The following OPHN1 variants were observed in gnomAD, a reference collection of about 807,000 sequenced individuals.
OPHN1 encodes oligophrenin-1.
OPHN1 carries 11 observed loss-of-function variants against 60.7 expected under a neutral mutation model. The ratio of observed to expected loss-of-function variants is 0.18; its 90% CI spans 0.11 to 0.30. OPHN1 has a LOEUF of 0.30. Ranked by LOEUF, OPHN1 falls within the 10% of genes least tolerant of loss-of-function variation. The probability of loss-of-function intolerance (pLI) is 1.00; values close to 1 mark genes in which losing one functional copy is unlikely to be tolerated. For missense variants in OPHN1, 449 were observed against 611.0 expected, an observed-to-expected ratio of 0.73 and a Z score of 2.80; for synonymous variants, 226 against 222.6, an observed-to-expected ratio of 1.02 and a Z score of -0.14.
intron 15 of OPHN1, among the ~76,000 whole-genome samples, chrX:68,144,266 G>A (rs1002126440): frequency 6.3e-5 from 7 of 110,299 alleles, no homozygotes; most frequent in Admixed American, 1.9e-4. Flanking sequence ...CTGGGCTCAA[G>A]CAATCCTCTC....
chrX:68,224,001 G>C (rs781753015), intron 6 of OPHN1, among the ~76,000 whole-genome samples: 23 of 111,582 alleles, frequency 2.1e-4, no homozygotes, highest in Admixed American at 3.8e-4. Flanking sequence ...CCTACTATTA[G>C]AGTTGGAGAC....
At chrX:68,355,361 G>A (rs1195220248) in intron 2 of OPHN1, among the ~76,000 whole-genome samples, 3 of 112,200 alleles carry the variant, frequency 2.7e-5, no homozygotes, top group Non-Finnish European at 3.8e-5. Context: ...GCTGTGGAAC[G>A]TAGACCAATA....
At chrX:68,063,283 G>A (rs1815904308) in intron 21 of OPHN1, among the ~76,000 whole-genome samples, 1 of 111,350 alleles carries the variant, frequency 9.0e-6, no homozygotes, top group Non-Finnish European at 1.9e-5. Context: ...CACTTTGGGA[G>A]GCCAAGGCAG....
At chrX:68,050,937 A>G (rs1271482577) in intron 23 of OPHN1, among the ~76,000 whole-genome samples, 3 of 112,331 alleles carry the variant, frequency 2.7e-5, no homozygotes, top group African/African-American at 6.5e-5. Flanking sequence ...TCTTCATGCT[A>G]TCAGTAAGAG....
intron 2 of OPHN1, among the ~76,000 whole-genome samples, chrX:68,305,177 G>A (rs1481992505): frequency 1.8e-5 from 2 of 111,203 alleles, no homozygotes; most frequent in Non-Finnish European, 3.8e-5. Context: ...CCAAGAGTTC[G>A]AGACTAGCCT....
chrX:68,129,598 C>T (rs1183348729), intron 15 of OPHN1, among the ~76,000 whole-genome samples: 2 of 112,091 alleles, frequency 1.8e-5, no homozygotes, highest in Non-Finnish European at 3.8e-5. Flanking sequence ...CTAACCACCA[C>T]TCTCAAATGT....
At chrX:68,316,272 C>T (rs942582564) in intron 2 of OPHN1, among the ~76,000 whole-genome samples, 2 of 111,761 alleles carry the variant, frequency 1.8e-5, no homozygotes, top group African/African-American at 6.5e-5. Context: ...TAAAACTAGA[C>T]AGCAAGGTTA....
chrX:68,393,259 AAAAAC>A (rs1386574777), intron 2 of OPHN1, among the ~76,000 whole-genome samples: 2 of 112,438 alleles, frequency 1.8e-5, no homozygotes, highest in African/African-American at 6.5e-5. Flanking sequence ...TGCCTCTTTA[AAAAAC>A]AAAACAAAAC....
At chrX:68,387,497 C>G (rs1045665823) in intron 2 of OPHN1, among the ~76,000 whole-genome samples, 2 of 111,382 alleles carry the variant, frequency 1.8e-5, no homozygotes, top group African/African-American at 6.5e-5. Flanking sequence ...TTCTTTATTG[C>G]ATTTATTCCT....
intron 10 of OPHN1, among the ~76,000 whole-genome samples, chrX:68,204,580 G>A (rs774708049): frequency 8.9e-5 from 10 of 111,991 alleles, no homozygotes; most frequent in Non-Finnish European, 1.5e-4. Context: ...GTATTAAGAA[G>A]TGAAACAGAG....
chrX:68,426,699 CAAA>C (rs778079057), intron 2 of OPHN1, among the ~76,000 whole-genome samples: 1 of 36,716 alleles, frequency 2.7e-5, no homozygotes, highest in Admixed American at 4.4e-4. Context: ...CGCATCTCTC[CAAA>C]AAAAAAAAAA....
chrX:68,205,467 T>TAAC (rs1450761567), intron 10 of OPHN1, among the ~76,000 whole-genome samples: 11 of 110,285 alleles, frequency 1.0e-4, no homozygotes, highest in African/African-American at 3.3e-4. Context: ...ATAATAATAA[T>TAAC]AACAATAATA....
chrX:68,249,341 T>G (rs991607154), intron 5 of OPHN1, among the ~76,000 whole-genome samples: 1 of 112,203 alleles, frequency 8.9e-6, no homozygotes, highest in Non-Finnish European at 1.9e-5. Context: ...TGGATACTGA[T>G]GCAAGAGCAA....
At chrX:68,156,075 C>A (rs1352109397) in intron 15 of OPHN1, among the ~76,000 whole-genome samples, 1 of 110,614 alleles carries the variant, frequency 9.0e-6, no homozygotes, top group African/African-American at 3.3e-5. Flanking sequence ...CAAAATATAA[C>A]CATGGTATCA....
At position 68,042,637 on chromosome X, in the gene OPHN1, C is replaced by T. The variant is rs2076819549; in HGVS notation, c.*4535G>A. The T allele has an allele frequency of 9.8e-6, 1 of 101,663 alleles. No individual in the cohort carries two copies. The highest frequency in any genetic ancestry group is 1.1e-4 in the Admixed American group (1 of 9,233). The allele number at this position is 101,663 out of a possible 1,213,427, so 8.4% of individuals were successfully genotyped here. On this transcript the variant is annotated 3_prime_UTR_variant, in exon 25 of 25. Transcript: ENST00000355520. Reference sequence around the variant, plus strand: ...ATGAAGAAATGCTCATCATCACTGGCCATCAGAGAAATGCAAATCAAAACC... The same window carrying T: ...ATGAAGAAATGCTCATCATCACTGGTCATCAGAGAAATGCAAATCAAAACC...
chrX:68,090,739 G>A (rs2077014414), intron 19 of OPHN1, among the ~76,000 whole-genome samples: 1 of 111,260 alleles, frequency 9.0e-6, no homozygotes, highest in South Asian at 3.8e-4. Context: ...TCTCCGGCCA[G>A]TTTATAGGAA....
At chrX:68,195,649 T>C (rs2077509972) in intron 12 of OPHN1, among the ~76,000 whole-genome samples, 2 of 112,162 alleles carry the variant, frequency 1.8e-5, no homozygotes, top group South Asian at 7.4e-4. Context: ...ACAACATTAG[T>C]AATGTGAGGT....
At chrX:68,329,076 C>A (rs1423476388) in intron 2 of OPHN1, among the ~76,000 whole-genome samples, 1 of 111,484 alleles carries the variant, frequency 9.0e-6, no homozygotes, top group African/African-American at 3.3e-5. Flanking sequence ...CACCACCACG[C>A]CCCGCTAATT....
intron 19 of OPHN1, among the ~76,000 whole-genome samples, chrX:68,095,401 T>G (rs1275975777): frequency 8.9e-6 from 1 of 112,310 alleles, no homozygotes; most frequent in Non-Finnish European, 1.9e-5. Flanking sequence ...GCTAAGTAGT[T>G]GTGACAGAAA....
Sources: gnomAD v4.1 joint callset for allele counts (sites outside exome capture counted in the v4.1 genomes callset) on GRCh38, gnomAD v4.1.1 for gene constraint, MANE v1.5 for transcripts, NCBI Gene and HGNC (gene_info 2026-07-23, HGNC 2026-07-21) for gene names.